Variants in METTL15 observed in about 807,000 individuals in gnomAD.
METTL15 encodes methyltransferase 15, mitochondrial 12S rRNA N4-cytidine.
METTL15 carries 34 observed loss-of-function variants against 38.3 expected under a neutral mutation model. The ratio of observed to expected loss-of-function variants is 0.89; its 90% confidence interval spans 0.68 to 1.18. METTL15 has a LOEUF of 1.18. Among genes scored for constraint, METTL15 ranks in the 50% most tolerant of loss-of-function variants. The pLI is 0.00. For missense variants in METTL15, 438 were observed against 498.4 expected, an observed-to-expected ratio of 0.88 and a Z score of 1.15; for synonymous variants, 162 against 170.9, an observed-to-expected ratio of 0.95 and a Z score of 0.41.
intron 5 of METTL15, among the ~76,000 whole-genome samples, chr11:28,401,413 G>A (rs1850629427): frequency 1.3e-5 from 2 of 151,860 alleles, no homozygotes. Flanking sequence ...TTCAAATTTA[G>A]AGAACTTTCT....
rs1852226138 is a variant in METTL15, at chr11:28,121,416, G to C, written c.270+7812G>C. 3.3e-5 allele frequency among the ~76,000 whole-genome samples: 5 copies of C among 152,152 alleles called. No individual in the cohort carries two copies. In the South Asian group the frequency reaches 1.0e-3, roughly 32 times the overall value. ...GGAGAGTGCTGTCTTTGGGCCCTGT[G>C]CTATACAAAAATTTGTTGCTTCATT... On this transcript the variant is annotated intron_variant, in intron 3 of 6. Coordinates refer to ENST00000407364, the MANE Select transcript of METTL15 (RefSeq NM_001113528.2).
chr11:28,215,596 T>A (rs1410415278), intron 4 of METTL15, among the ~76,000 whole-genome samples: 1 of 152,118 alleles, frequency 6.6e-6, no homozygotes, highest in Admixed American at 6.6e-5. Flanking sequence ...CAACAGCTCC[T>A]AAAATTGTAT....
intron 5 of METTL15, among the ~76,000 whole-genome samples, chr11:28,389,354 TA>T (rs1850476681): frequency 6.7e-6 from 1 of 149,612 alleles, no homozygotes; most frequent in African/African-American, 2.5e-5. Flanking sequence ...TAGCATTAGG[TA>T]AATCTCCTAA....
intron 4 of METTL15, among the ~76,000 whole-genome samples, chr11:28,259,108 A>G (rs1244791508): frequency 2.0e-5 from 3 of 152,064 alleles, no homozygotes; most frequent in African/African-American, 4.8e-5. Context: ...GAGTCCTGCC[A>G]TGACTGGGTC....
chr11:28,359,235 A>G lies in METTL15; in HGVS notation c.*259-2702A>G, dbSNP rs140647399. Among the ~76,000 whole-genome samples, 583 of 152,320 alleles carry G rather than the reference A, an allele frequency of 3.8e-3. 6 individuals carry two copies. Among genetic ancestry groups the G allele is most frequent in the African/African-American group, 0.013 (543 of 41,574 alleles). ...TAGCTTAGGATAAGGTTCTCCAGCCATACCCATGTTGCTGCAAATGGCATA... is the reference window on the plus strand; with the variant it reads ...TAGCTTAGGATAAGGTTCTCCAGCCGTACCCATGTTGCTGCAAATGGCATA... On this transcript the variant is annotated intron_variant and NMD_transcript_variant, in intron 4 of 7. Transcript: ENST00000532947.
intron 6 of METTL15, among the ~76,000 whole-genome samples, chr11:28,466,998 C>T (rs182765006): frequency 4.6e-5 from 7 of 152,148 alleles, no homozygotes; most frequent in African/African-American, 1.7e-4. Context: ...GGGAAAAGTG[C>T]ACATGAATTC....
At chr11:28,289,279 A>G (rs901147181) in intron 4 of METTL15, among the ~76,000 whole-genome samples, 25 of 152,168 alleles carry the variant, frequency 1.6e-4, no homozygotes, top group African/African-American at 4.8e-4. Flanking sequence ...CCTGACCCAT[A>G]GCAAATATTC....
At chr11:28,399,690 AT>A (rs1347200708) in intron 5 of METTL15, among the ~76,000 whole-genome samples, 1 of 151,906 alleles carries the variant, frequency 6.6e-6, no homozygotes, top group Non-Finnish European at 1.5e-5. Context: ...AATTCCACAT[AT>A]TAAGATATAA....
chr11:28,517,923 C>T (rs1384610089), intron 6 of METTL15, among the ~76,000 whole-genome samples: 6 of 152,204 alleles, frequency 3.9e-5, no homozygotes, highest in African/African-American at 9.6e-5. Flanking sequence ...TTCTTCCAAA[C>T]TTCAAACTTG....
chr11:28,133,725 G>A (rs1849416598), intron 3 of METTL15, among the ~76,000 whole-genome samples: 1 of 152,062 alleles, frequency 6.6e-6, no homozygotes, highest in South Asian at 2.1e-4. Context: ...CCAACAATCA[G>A]CACCCAGTGG....
chr11:28,122,652 G>C (rs1293153127), intron 3 of METTL15, among the ~76,000 whole-genome samples: 2 of 151,300 alleles, frequency 1.3e-5, no homozygotes, highest in East Asian at 3.9e-4. Context: ...TAATTACAGT[G>C]TATATTGAAT....
intron 3 of METTL15, among the ~76,000 whole-genome samples, chr11:28,200,957 G>A (rs183323845): frequency 2.4e-4 from 36 of 152,184 alleles, no homozygotes; most frequent in African/African-American, 8.2e-4. Flanking sequence ...TAGGAGTGGT[G>A]AGAGGGCATC....
At chr11:28,311,793 A>G (rs1465105396) in intron 6 of METTL15, among the ~76,000 whole-genome samples, 1 of 152,254 alleles carries the variant, frequency 6.6e-6, no homozygotes, top group Non-Finnish European at 1.5e-5. Context: ...GTTGAATGAA[A>G]CGTAAGTATG....
intron 6 of METTL15, among the ~76,000 whole-genome samples, chr11:28,432,076 T>C (rs1850937155): frequency 6.6e-6 from 1 of 152,292 alleles, no homozygotes; most frequent in East Asian, 1.9e-4. Flanking sequence ...AAATCTTCTG[T>C]GACTTGGACT....
intron 4 of METTL15, among the ~76,000 whole-genome samples, chr11:28,225,501 T>G (rs1348939757): frequency 6.6e-6 from 1 of 151,846 alleles, no homozygotes; most frequent in Non-Finnish European, 1.5e-5. Flanking sequence ...ACTCATTTTC[T>G]TCTGGTTGTA....
At chr11:28,140,692 C>T (rs1290539603) in intron 3 of METTL15, among the ~76,000 whole-genome samples, 1 of 152,126 alleles carries the variant, frequency 6.6e-6, no homozygotes, top group Non-Finnish European at 1.5e-5. Context: ...AAAAGGAAAG[C>T]TCTCAGCAAA....
chr11:28,178,760 A>G (rs1851171281), intron 3 of METTL15, among the ~76,000 whole-genome samples: 1 of 151,828 alleles, frequency 6.6e-6, no homozygotes, highest in Non-Finnish European at 1.5e-5. Flanking sequence ...TTACATTAAT[A>G]CTTTCAAATC....
chr11:28,279,920 A>C (rs1590255242), intron 4 of METTL15, among the ~76,000 whole-genome samples: 2 of 151,930 alleles, frequency 1.3e-5, no homozygotes, highest in African/African-American at 2.4e-5. Flanking sequence ...AAAACAAAAA[A>C]AAAAAAAAAA....
At chr11:28,347,039 A>G (rs1377889368) in intron 3 of METTL15, among the ~76,000 whole-genome samples, 3 of 152,262 alleles carry the variant, frequency 2.0e-5, no homozygotes, top group African/African-American at 7.2e-5. Context: ...TGATACTTAA[A>G]TAAGAACAAA....
Sources: allele counts gnomAD v4.1 joint callset (sites outside exome capture counted in the v4.1 genomes callset), GRCh38; gene constraint gnomAD v4.1.1; transcripts MANE v1.5; gene names NCBI Gene and HGNC (gene_info 2026-07-23, HGNC 2026-07-21).